The following PPM1H variants were observed in gnomAD, a reference collection of about 807,000 sequenced individuals.
PPM1H encodes the protein protein phosphatase, Mg2+/Mn2+ dependent 1H, also known as protein phosphatase 1H.
A neutral mutation model predicts 54.9 loss-of-function variants in PPM1H; 27 were observed. The ratio of observed to expected loss-of-function variants is 0.49; its 90% CI spans 0.36 to 0.68. The LOEUF is 0.68. Among genes scored for constraint, PPM1H ranks in the 30% least tolerant of loss-of-function variants. The pLI is 0.00. For synonymous variants in PPM1H, 305 were observed against 270.8 expected (o/e 1.13, Z -1.24); for missense variants, 596 against 667.8 (o/e 0.89, Z 1.19).
intron 9 of PPM1H, among the ~76,000 whole-genome samples, chr12:62,654,723 G>A (rs117196287): frequency 1.3e-5 from 2 of 152,274 alleles, no homozygotes; most frequent in Non-Finnish European, 2.9e-5. Flanking sequence ...TGGATTCGCC[G>A]CTGCTAACCA....
intron 3 of PPM1H, among the ~76,000 whole-genome samples, chr12:62,796,431 AC>A (rs76003574): frequency 0.069 from 10,493 of 151,826 alleles, 501 homozygotes; most frequent in Middle Eastern, 0.11. Context: ...GGTTCCCAAG[AC>A]CCCCCTCTCC....
chr12:62,731,420 A>G (rs575100497), intron 5 of PPM1H, among the ~76,000 whole-genome samples: 79 of 152,308 alleles, frequency 5.2e-4, no homozygotes, highest in African/African-American at 1.8e-3. Flanking sequence ...TTGACCCACC[A>G]GCACGCTTGA....
At chr12:62,687,359 C>CT (rs1297533810) in intron 8 of PPM1H, among the ~76,000 whole-genome samples, 1 of 152,180 alleles carries the variant, frequency 6.6e-6, no homozygotes, top group Non-Finnish European at 1.5e-5. Flanking sequence ...CTTCGAGCTC[C>CT]TGGGCTCAAG....
chr12:62,870,556 T>C lies in PPM1H; in HGVS notation c.246-38277A>G, dbSNP rs182460062. Among the ~76,000 whole-genome samples the C allele has an allele frequency of 8.5e-5, 13 of 152,168 alleles. 1 individual carries two copies. The highest frequency in any genetic ancestry group is 1.8e-4 in the Non-Finnish European group (12 of 67,996). ...TGAAAGATACTAAAGAGAAAGAATT[T>C]AGGGGACACAATCACAGATTAGACA... is the stretch of plus-strand genomic sequence containing the variant. On this transcript the variant is annotated intron_variant, in intron 1 of 9. Transcript: ENST00000228705.
intron 4 of PPM1H, among the ~76,000 whole-genome samples, chr12:62,772,057 G>T (rs1037239176): frequency 6.6e-6 from 1 of 152,194 alleles, no homozygotes; most frequent in Non-Finnish European, 1.5e-5. Flanking sequence ...CACAGTAAGT[G>T]ATAGAATTAG....
At chr12:62,801,734 TG>T in intron 3 of PPM1H, 81 bp downstream of exon 3, 1 of 1,469,760 alleles carries the variant, frequency 6.8e-7, no homozygotes, top group Non-Finnish European at 9.3e-7. Context: ...GTGCGCTTTC[TG>T]GGAGCCCTCC....
At chr12:62,925,703 C>A (rs1871951510) in intron 1 of PPM1H, among the ~76,000 whole-genome samples, 1 of 152,214 alleles carries the variant, frequency 6.6e-6, no homozygotes, top group African/African-American at 2.4e-5. Flanking sequence ...TTTATTGGTA[C>A]AAACCTTCAA....
intron 1 of PPM1H, among the ~76,000 whole-genome samples, chr12:62,914,197 T>C (rs906320981): frequency 4.6e-5 from 7 of 152,192 alleles, no homozygotes; most frequent in Admixed American, 6.5e-5. Flanking sequence ...TATTAGTTCC[T>C]GAGAGCTGGT....
At chr12:62,802,239 T>C in intron 2 of PPM1H, 79 bp from the exon 3 acceptor site, 1 of 1,184,966 alleles carries the variant, frequency 8.4e-7, no homozygotes, top group Non-Finnish European at 1.2e-6. Flanking sequence ...GGGACATCTA[T>C]GGGACTGAGG....
intron 1 of PPM1H, among the ~76,000 whole-genome samples, chr12:62,897,036 T>C (rs148518375): frequency 0.022 from 2,865 of 130,164 alleles, 40 homozygotes; most frequent in Non-Finnish European, 0.03. Flanking sequence ...CACTCGCAGG[T>C]GGGAATTGAA....
At position 62,682,499 on chromosome 12, in the gene PPM1H, CA is replaced by C; in HGVS notation, c.1245+7199del. Among the ~76,000 whole-genome samples the C allele has an allele frequency of 3.3e-5, 5 of 151,994 alleles. 1 individual carries two copies. The Middle Eastern group carries it at 0.014, about 414-fold the overall frequency. On this transcript the variant is annotated intron_variant, in intron 8 of 9. Coordinates refer to ENST00000228705, the MANE Select transcript of PPM1H (RefSeq NM_020700.2). Reference sequence around the variant, plus strand: ...TTCATGGGAGAAAATGGGGGAATCCCAAAAAAAGTAGGAATTCTAAGAGACA... The same window carrying C: ...TTCATGGGAGAAAATGGGGGAATCCCAAAAAAGTAGGAATTCTAAGAGACA...
At chr12:62,909,838 T>C (rs1252644685) in intron 1 of PPM1H, among the ~76,000 whole-genome samples, 1 of 152,232 alleles carries the variant, frequency 6.6e-6, no homozygotes, top group Non-Finnish European at 1.5e-5. Flanking sequence ...CACGTGGCAG[T>C]GAACAAAAGA....
chr12:62,696,625 TAG>T (rs749337997), intron 6 of PPM1H, among the ~76,000 whole-genome samples: 1 of 152,336 alleles, frequency 6.6e-6, no homozygotes, highest in Admixed American at 6.5e-5. Context: ...GCAACTTGAT[TAG>T]AGTCTGTATA....
chr12:62,756,474 T>G (rs1408218853), intron 4 of PPM1H, among the ~76,000 whole-genome samples: 1 of 151,968 alleles, frequency 6.6e-6, no homozygotes, highest in Non-Finnish European at 1.5e-5. Context: ...ATACTGCATA[T>G]GTAATCACAG....
rs1011017637 is a variant in PPM1H at position 62,646,196 on chromosome 12, A to G, written c.*2293T>C. 33 of 152,240 alleles carry G rather than the reference A, an allele frequency of 2.2e-4. No homozygotes were observed. The highest frequency in any genetic ancestry group is 7.5e-4 in the African/African-American group (31 of 41,466). 9.4% of individuals were successfully genotyped at this position (152,240 alleles called of 1,614,324 possible). ...CTTTCTAACTAAAACCAGCAGGACT[A>G]AGTGCTCAAGATTTTATAATATTTC... On this transcript the variant is annotated 3_prime_UTR_variant, in exon 10 of 10. Transcript: ENST00000228705.
intron 1 of PPM1H, among the ~76,000 whole-genome samples, chr12:62,894,887 C>T (rs486118): frequency 0.46 from 69,556 of 152,138 alleles, 18,260 homozygotes; most frequent in African/African-American, 0.7. Context: ...CCAAATAATA[C>T]GATTGCAATA....
intron 4 of PPM1H, among the ~76,000 whole-genome samples, chr12:62,739,404 C>T (rs1010903122): frequency 5.3e-5 from 8 of 152,030 alleles, no homozygotes; most frequent in Admixed American, 2.0e-4. Context: ...TGAAAGGGGG[C>T]GGGGTCAGGA....
chr12:62,710,823 C>T (rs2076203255), intron 6 of PPM1H, among the ~76,000 whole-genome samples: 1 of 152,206 alleles, frequency 6.6e-6, no homozygotes, highest in African/African-American at 2.4e-5. Context: ...GGCAGCATTT[C>T]AGCAACAGAC....
chr12:62,919,836 G>C (rs1023894216), intron 1 of PPM1H, among the ~76,000 whole-genome samples: 16 of 152,142 alleles, frequency 1.1e-4, no homozygotes, highest in African/African-American at 3.9e-4. Context: ...AGGGGCAAAA[G>C]GGCAGCGTGG....
Sources: gnomAD v4.1 joint callset for allele counts (sites outside exome capture counted in the v4.1 genomes callset) on GRCh38, gnomAD v4.1.1 for gene constraint, MANE v1.5 for transcripts, NCBI Gene and HGNC (gene_info 2026-07-23, HGNC 2026-07-21) for gene names.